The following WNT9B variants were observed in gnomAD, a reference collection of about 807,000 sequenced individuals.
WNT9B encodes the protein Wnt family member 9B.
In WNT9B, 12 loss-of-function variants were observed where a neutral mutation model predicts 30.2. The ratio of observed to expected loss-of-function variants is 0.40; its 90% confidence interval spans 0.26 to 0.64. The LOEUF (loss-of-function observed/expected upper bound fraction) is 0.64, where lower values mean the gene tolerates loss of function less well. Ranked by LOEUF, WNT9B falls within the 30% of genes least tolerant of loss-of-function variation. The probability of loss-of-function intolerance (pLI) is 0.42; values close to 1 mark genes in which losing one functional copy is unlikely to be tolerated. For synonymous variants in WNT9B, 218 were observed against 216.9 expected, an observed-to-expected ratio of 1.01 and a Z score of -0.05; for missense variants, 442 against 485.2, an observed-to-expected ratio of 0.91 and a Z score of 0.84.
rs980606275 is a variant in WNT9B at position 46,879,200 on chromosome 17, G to A, written c.*2482G>A. ...TTCACAGACAGCACAGGTGGGGTTTGTGTATTTTCCCGGAAACCCTCTGTC... is the reference window on the plus strand; with the variant it reads ...TTCACAGACAGCACAGGTGGGGTTTATGTATTTTCCCGGAAACCCTCTGTC... On this transcript the variant is annotated 3_prime_UTR_variant, in exon 4 of 4. Coordinates refer to ENST00000290015, the MANE Select transcript of WNT9B (RefSeq NM_003396.3). Among the ~76,000 whole-genome samples, 3 of 152,216 alleles carry A rather than the reference G, an allele frequency of 2.0e-5. No homozygotes were observed. Among genetic ancestry groups the A allele is most frequent in the Non-Finnish European group, 2.9e-5 (2 of 68,026 alleles).
intron 1 of WNT9B, among the ~76,000 whole-genome samples, chr17:46,862,366 G>C (rs73316337): frequency 0.099 from 15,003 of 152,124 alleles, 2,465 homozygotes; most frequent in African/African-American, 0.34. Context: ...TAATTTTGCA[G>C]GTAGACATCT....
Position 46,875,252 on chromosome 17 carries a change from C to T in WNT9B, c.486C>T (p.Cys162=), listed in dbSNP as rs546259054. 1.2e-5 allele frequency: 19 copies of T among 1,614,200 alleles called. No individual in the cohort carries two copies. Among genetic ancestry groups the T allele is most frequent in the Middle Eastern group, 1.6e-4 (1 of 6,062 alleles). Reference sequence around the variant, plus strand: ...GGCAGGCCTGGCAGTGGGGCGTGTGCGGTGACAACCTCAAGTACAGCACCA... The same window carrying T: ...GGCAGGCCTGGCAGTGGGGCGTGTGTGGTGACAACCTCAAGTACAGCACCA... The part of the protein sequence containing the change: ...ESRQAWQWGV[C]GDNLKYSTKF... The change falls in exon 3 of 4, where the codon TGC becomes TGT. Residue 162 remains cysteine, a synonymous_variant. Coordinates refer to ENST00000290015, the MANE Select transcript of WNT9B (RefSeq NM_003396.3).
At chr17:46,848,515 A>G (rs2084803129), upstream of WNT9B, among the ~76,000 whole-genome samples, 1 of 152,248 alleles carries the variant, frequency 6.6e-6, no homozygotes, top group South Asian at 2.1e-4. Flanking sequence ...GTAGGTCCCA[A>G]GGGCTGCTCT....
upstream of WNT9B, among the ~76,000 whole-genome samples, chr17:46,847,383 G>A (rs568827707): frequency 6.6e-6 from 1 of 152,350 alleles, no homozygotes; most frequent in African/African-American, 2.4e-5. Flanking sequence ...GTATAATGGG[G>A]ACAATCATGG....
intron 1 of WNT9B, among the ~76,000 whole-genome samples, chr17:46,871,631 G>A (rs7221244): frequency 0.043 from 6,562 of 152,256 alleles, 508 homozygotes; most frequent in African/African-American, 0.15. Context: ...CTAGGAGGTA[G>A]AGAAGATCAC....
At chr17:46,884,079 G>A (rs1263845785), downstream of WNT9B, among the ~76,000 whole-genome samples, 1 of 152,042 alleles carries the variant, frequency 6.6e-6, no homozygotes, top group Non-Finnish European at 1.5e-5. Flanking sequence ...CCCAGCGTCC[G>A]AATTCCTGCC....
At chr17:46,854,329 A>G (rs1286281375) in intron 1 of WNT9B, among the ~76,000 whole-genome samples, 5 of 152,248 alleles carry the variant, frequency 3.3e-5, no homozygotes, top group African/African-American at 1.2e-4. Context: ...CTTCCTCCGC[A>G]GTCATTTGCA....
downstream of WNT9B, chr17:46,885,114 G>A (rs1164050455): frequency 2.4e-6 from 1 of 419,524 alleles, no homozygotes; most frequent in South Asian, 1.7e-5. Context: ...TCAGCTGCCT[G>A]AGTAACTGGG....
intron 1 of WNT9B, among the ~76,000 whole-genome samples, chr17:46,834,405 G>A (rs1460595007): frequency 1.3e-5 from 2 of 152,154 alleles, no homozygotes; most frequent in Non-Finnish European, 2.9e-5. Context: ...GCGCGCATTA[G>A]GAGATGGAGA....
intron 1 of WNT9B, among the ~76,000 whole-genome samples, chr17:46,834,969 C>T (rs542872157): frequency 6.6e-6 from 1 of 152,128 alleles, no homozygotes; most frequent in East Asian, 1.9e-4. Context: ...GGCCCTCAGT[C>T]TCTCTTCTTC....
intron 1 of WNT9B, among the ~76,000 whole-genome samples, chr17:46,836,314 C>A (rs2084632181): frequency 6.6e-6 from 1 of 152,094 alleles, no homozygotes; most frequent in Admixed American, 6.6e-5. Context: ...TAATTGCATT[C>A]CTTGGAACTG....
downstream of WNT9B, among the ~76,000 whole-genome samples, chr17:46,883,246 T>C (rs570743760): frequency 1.7e-4 from 25 of 150,718 alleles, 1 homozygote; most frequent in South Asian, 5.3e-3. Context: ...CCTCCCAAAG[T>C]GCTGGGATTA....
intron 1 of WNT9B, among the ~76,000 whole-genome samples, chr17:46,835,795 G>T (rs2084621339): frequency 6.6e-6 from 1 of 152,250 alleles, no homozygotes; most frequent in Non-Finnish European, 1.5e-5. Context: ...GAAGGGAGGA[G>T]GGCCTGCGCC....
At chr17:46,864,040 A>G (rs1390808047) in intron 1 of WNT9B, among the ~76,000 whole-genome samples, 1 of 152,200 alleles carries the variant, frequency 6.6e-6, no homozygotes, top group South Asian at 2.1e-4. Context: ...CACTGTCCTC[A>G]TCATTGAGGG....
At chr17:46,856,489 T>C (rs1417639117) in intron 1 of WNT9B, among the ~76,000 whole-genome samples, 1 of 133,540 alleles carries the variant, frequency 7.5e-6, no homozygotes, top group African/African-American at 3.0e-5. Context: ...TTTTTCTTTC[T>C]TTTTTTTTTT....
Position 46,879,128 on chromosome 17 carries a change from C to G in WNT9B, c.*2410C>G, listed in dbSNP as rs2085389622. Among the ~76,000 whole-genome samples the G allele has an allele frequency of 6.6e-6, 1 of 152,174 alleles. No homozygotes were observed. On this transcript the variant is annotated 3_prime_UTR_variant, in exon 4 of 4. Transcript: ENST00000290015. ...GAGCAAAGGAGAATAATTTATATAG[C>G]TAAGATATATGAGAAAGTATTTATA... is the stretch of plus-strand genomic sequence containing the variant.
At chr17:46,841,563 C>T (rs1217030941) in intron 1 of WNT9B, among the ~76,000 whole-genome samples, 1 of 151,978 alleles carries the variant, frequency 6.6e-6, no homozygotes, top group Non-Finnish European at 1.5e-5. Flanking sequence ...AAGGTGGGGG[C>T]GTGGGGACGC....
downstream of WNT9B, among the ~76,000 whole-genome samples, chr17:46,880,787 G>A (rs1749636926): frequency 1.3e-5 from 2 of 152,052 alleles, no homozygotes; most frequent in Admixed American, 1.3e-4. Context: ...TTGATTCTGG[G>A]TAAACTAAGG....
chr17:46,844,837 C>T (rs1268457875), intron 1 of WNT9B, among the ~76,000 whole-genome samples: 2 of 151,400 alleles, frequency 1.3e-5, no homozygotes, highest in African/African-American at 4.9e-5. Flanking sequence ...CTTCCTCTTT[C>T]TTCTTTCTTT....
Sources: gnomAD v4.1 joint callset for allele counts (sites outside exome capture counted in the v4.1 genomes callset) on GRCh38, gnomAD v4.1.1 for gene constraint, MANE v1.5 for transcripts, NCBI Gene and HGNC (gene_info 2026-07-23, HGNC 2026-07-21) for gene names.